The following LRRC4C variants were observed in gnomAD, a reference collection of about 807,000 sequenced individuals.
LRRC4C encodes the protein leucine-rich repeat-containing protein 4C.
In LRRC4C, 5 loss-of-function variants were observed where a neutral mutation model predicts 33.6. The observed-to-expected ratio is 0.15, with a 90% confidence interval of 0.08 to 0.31. LRRC4C has a LOEUF of 0.31. Among genes scored for constraint, LRRC4C ranks in the 10% least tolerant of loss-of-function variants. The pLI, the probability that LRRC4C is intolerant of heterozygous loss-of-function variation, is 1.00. For synonymous variants in LRRC4C, 329 were observed against 302.0 expected (o/e 1.09, Z -0.93); for missense variants, 560 against 796.7 (o/e 0.70, Z 3.58).
intron 1 of LRRC4C, among the ~76,000 whole-genome samples, chr11:41,348,505 A>G (rs1234178054): frequency 6.6e-6 from 1 of 152,134 alleles, no homozygotes; most frequent in Admixed American, 6.6e-5. Context: ...AATTAACATG[A>G]CATGAATTGA....
chr11:40,347,646 T>C (rs567515416), intron 3 of LRRC4C, among the ~76,000 whole-genome samples: 3 of 152,340 alleles, frequency 2.0e-5, no homozygotes, highest in African/African-American at 7.2e-5. Flanking sequence ...TTCGCTCTTG[T>C]TGCCTAGGCT....
intron 1 of LRRC4C, among the ~76,000 whole-genome samples, chr11:41,133,340 A>G (rs989406554): frequency 6.6e-6 from 1 of 152,170 alleles, no homozygotes; most frequent in Non-Finnish European, 1.5e-5. Flanking sequence ...GAAAATACTT[A>G]GGAGGAGAGC....
At chr11:41,274,740 A>G (rs1012689394) in intron 1 of LRRC4C, among the ~76,000 whole-genome samples, 5 of 152,086 alleles carry the variant, frequency 3.3e-5, no homozygotes, top group African/African-American at 1.2e-4. Flanking sequence ...ACTCTTCACA[A>G]TAAATCTTGC....
At chr11:40,924,650 G>T (rs970987022) in intron 2 of LRRC4C, among the ~76,000 whole-genome samples, 1 of 152,016 alleles carries the variant, frequency 6.6e-6, no homozygotes, top group Non-Finnish European at 1.5e-5. Context: ...GATCTGGAAG[G>T]TTCACAGCAC....
intron 2 of LRRC4C, among the ~76,000 whole-genome samples, chr11:40,747,077 G>A (rs919996918): frequency 5.9e-5 from 9 of 152,072 alleles, no homozygotes; most frequent in African/African-American, 9.7e-5. Context: ...TGATGCCAGC[G>A]TACACCATAC....
intron 3 of LRRC4C, among the ~76,000 whole-genome samples, chr11:40,491,323 T>A (rs1391635312): frequency 6.6e-6 from 1 of 152,160 alleles, no homozygotes; most frequent in Non-Finnish European, 1.5e-5. Flanking sequence ...GCCATGTTGA[T>A]TAGCTTCTGT....
intron 3 of LRRC4C, among the ~76,000 whole-genome samples, chr11:40,467,127 T>G (rs1383365297): frequency 6.6e-6 from 1 of 152,098 alleles, no homozygotes; most frequent in Non-Finnish European, 1.5e-5. Flanking sequence ...CTTTACTTTG[T>G]TATGAATTAT....
chr11:40,769,249 A>G (rs1949634405), intron 2 of LRRC4C, among the ~76,000 whole-genome samples: 1 of 152,126 alleles, frequency 6.6e-6, no homozygotes, highest in South Asian at 2.1e-4. Context: ...ATAAAATCAA[A>G]TGCTTAAAAA....
chr11:40,359,773 A>G (rs1240692522), intron 3 of LRRC4C, among the ~76,000 whole-genome samples: 2 of 152,272 alleles, frequency 1.3e-5, no homozygotes, highest in East Asian at 3.9e-4. Flanking sequence ...ATCTTTCCCA[A>G]TTCATTTCCA....
intron 1 of LRRC4C, among the ~76,000 whole-genome samples, chr11:41,304,254 C>T (rs1209988860): frequency 3.3e-5 from 4 of 122,998 alleles, no homozygotes; most frequent in Admixed American, 7.9e-5. Context: ...CCAGCTGCCC[C>T]GTCTGGGAGG....
chr11:41,173,187 G>A (rs898087855), intron 1 of LRRC4C, among the ~76,000 whole-genome samples: 8 of 152,138 alleles, frequency 5.3e-5, no homozygotes, highest in Non-Finnish European at 1.5e-5. Flanking sequence ...TATGAGATGT[G>A]TTGTAAATGC....
chr11:40,482,826 GA>G, intron 3 of LRRC4C, among the ~76,000 whole-genome samples: 1 of 152,248 alleles, frequency 6.6e-6, no homozygotes, highest in East Asian at 1.9e-4. Context: ...GAATTTCAGA[GA>G]GGGGCAAATC....
intron 1 of LRRC4C, among the ~76,000 whole-genome samples, chr11:41,337,814 T>C (rs1414089019): frequency 1.3e-5 from 2 of 152,078 alleles, no homozygotes; most frequent in Non-Finnish European, 2.9e-5. Flanking sequence ...ATTCAGAATT[T>C]AGAAGGAACT....
intron 3 of LRRC4C, among the ~76,000 whole-genome samples, chr11:40,627,878 G>T (rs554778825): frequency 6.6e-6 from 1 of 152,274 alleles, no homozygotes; most frequent in African/African-American, 2.4e-5. Flanking sequence ...CAGATAAGCA[G>T]TTCTGGTGAA....
intron 2 of LRRC4C, among the ~76,000 whole-genome samples, chr11:40,796,412 C>CA (rs1262653801): frequency 6.6e-6 from 1 of 151,862 alleles, no homozygotes. Context: ...GAGCCTAGGA[C>CA]AAAAAATAAA....
At chr11:40,126,776 C>T (rs1360907828) in intron 6 of LRRC4C, among the ~76,000 whole-genome samples, 1 of 151,806 alleles carries the variant, frequency 6.6e-6, no homozygotes, top group Non-Finnish European at 1.5e-5. Flanking sequence ...GCCTGACCAA[C>T]ATGGAGGAAC....
At chr11:41,380,873 A>G (rs2137887026) in intron 1 of LRRC4C, among the ~76,000 whole-genome samples, 1 of 152,272 alleles carries the variant, frequency 6.6e-6, no homozygotes, top group South Asian at 2.1e-4. Context: ...CTGCAATGTC[A>G]GGATAGGTTA....
At chr11:40,529,553 C>A (rs1956191371) in intron 3 of LRRC4C, among the ~76,000 whole-genome samples, 1 of 152,076 alleles carries the variant, frequency 6.6e-6, no homozygotes, top group Admixed American at 6.6e-5. Flanking sequence ...GTATTGACTG[C>A]TGCCCAGAGG....
At chr11:41,151,007 C>T (rs551188453) in intron 1 of LRRC4C, among the ~76,000 whole-genome samples, 5 of 151,940 alleles carry the variant, frequency 3.3e-5, no homozygotes, top group African/African-American at 1.2e-4. Flanking sequence ...ATTCCACCTG[C>T]TCCCTGCAAC....
Sources: gnomAD v4.1 joint callset for allele counts (sites outside exome capture counted in the v4.1 genomes callset) on GRCh38, gnomAD v4.1.1 for gene constraint, MANE v1.5 for transcripts, NCBI Gene and HGNC (gene_info 2026-07-23, HGNC 2026-07-21) for gene names.